Variants in GFRA2 observed in about 807,000 individuals in gnomAD.
GFRA2 encodes the protein GDNF family receptor alpha 2.
A neutral mutation model predicts 48.3 loss-of-function variants in GFRA2; 17 were observed. That is an observed-to-expected ratio of 0.35 (90% CI 0.24 to 0.53). The LOEUF (loss-of-function observed/expected upper bound fraction) is 0.53. GFRA2 is among the 20% of genes least tolerant of loss of function. GFRA2 has a pLI of 0.93. For synonymous variants in GFRA2, 305 were observed against 257.2 expected, an observed-to-expected ratio of 1.19 and a Z score of -1.78; for missense variants, 660 against 637.3, an observed-to-expected ratio of 1.04 and a Z score of -0.38.
At chr8:21,744,550 AACACACACACAC>A (rs71721911) in intron 4 of GFRA2, among the ~76,000 whole-genome samples, 3 of 140,226 alleles carry the variant, frequency 2.1e-5, no homozygotes, top group Middle Eastern at 3.5e-3. Context: ...AACCACCACC[AACACACACACAC>A]ACACACACAC....
intron 4 of GFRA2, among the ~76,000 whole-genome samples, chr8:21,716,055 G>T (rs1413339991): frequency 6.6e-6 from 1 of 152,194 alleles, no homozygotes; most frequent in Non-Finnish European, 1.5e-5. Context: ...AGGCGCGGTG[G>T]CTCACGCCTG....
At chr8:21,741,593 G>T (rs551965863) in intron 4 of GFRA2, among the ~76,000 whole-genome samples, 1 of 152,128 alleles carries the variant, frequency 6.6e-6, no homozygotes, top group Non-Finnish European at 1.5e-5. Flanking sequence ...CTAGCATGGT[G>T]CCTGGCACAG....
chr8:21,811,197 C>T (rs879938938), intron 1 of GFRA2, among the ~76,000 whole-genome samples: 3 of 152,188 alleles, frequency 2.0e-5, no homozygotes, highest in Admixed American at 6.5e-5. Context: ...CCAGCAGCAT[C>T]CCTCTGTACT....
At chr8:21,696,941 A>C (rs1302363014) in intron 7 of GFRA2, among the ~76,000 whole-genome samples, 19 of 114,216 alleles carry the variant, frequency 1.7e-4, no homozygotes, top group Middle Eastern at 4.9e-3. Context: ...GGGACAGAGG[A>C]AGGGGGAGGG....
intron 4 of GFRA2, among the ~76,000 whole-genome samples, chr8:21,718,991 T>C (rs1342108413): frequency 6.7e-6 from 1 of 148,648 alleles, no homozygotes; most frequent in Non-Finnish European, 1.5e-5. Context: ...TCCAAGGGAG[T>C]CACTGTGGTG....
At chr8:21,760,859 T>C (rs1352565305) in intron 3 of GFRA2, among the ~76,000 whole-genome samples, 1 of 151,848 alleles carries the variant, frequency 6.6e-6, no homozygotes, top group African/African-American at 2.4e-5. Context: ...GGTGGAAAAA[T>C]CAAGAGATGC....
rs752995023 is a variant in GFRA2, at chr8:21,786,875, A to G, written c.40+1245T>C. On this transcript the variant is annotated intron_variant, in intron 1 of 8. Transcript: ENST00000524240. Reference sequence around the variant, plus strand: ...GCCTTCCCAGATCCCCTACTGCAGGAGGGAGAGGGTGAGATCATGACCCCG... The same window carrying G: ...GCCTTCCCAGATCCCCTACTGCAGGGGGGAGAGGGTGAGATCATGACCCCG... Among the ~76,000 whole-genome samples the G allele has an allele frequency of 3.3e-3, 499 of 152,244 alleles. 1 individual carries two copies. Among genetic ancestry groups the G allele is most frequent in the Non-Finnish European group, 4.0e-3 (271 of 67,992 alleles).
chr8:21,696,900 GTGAGAGGAGAGGGGACATAGTAGA>G (rs1802204424), intron 7 of GFRA2, among the ~76,000 whole-genome samples: 2 of 136,912 alleles, frequency 1.5e-5, no homozygotes, highest in African/African-American at 5.3e-5. Flanking sequence ...AGGGGACAGA[GTGAGAGGAGAGGGGACATAGTAGA>G]GGGAAGGGGA....
At chr8:21,735,686 G>C (rs1004291503) in intron 4 of GFRA2, among the ~76,000 whole-genome samples, 1 of 152,226 alleles carries the variant, frequency 6.6e-6, no homozygotes, top group Non-Finnish European at 1.5e-5. Flanking sequence ...TCTTGAGACA[G>C]GGTCTGTACT....
At chr8:21,710,044 CCAGAGGGACTCCT>C (rs914513853) in intron 4 of GFRA2, among the ~76,000 whole-genome samples, 12 of 152,146 alleles carry the variant, frequency 7.9e-5, no homozygotes, top group Non-Finnish European at 1.8e-4. Context: ...GTGGGGCTGG[CCAGAGGGACTCCT>C]CAGGGAAGAG....
intron 3 of GFRA2, among the ~76,000 whole-genome samples, chr8:21,764,567 G>A (rs1806064632): frequency 6.6e-6 from 1 of 152,186 alleles, no homozygotes; most frequent in Non-Finnish European, 1.5e-5. Flanking sequence ...GTCTCACCTG[G>A]ACATCCAGCT....
intron 4 of GFRA2, among the ~76,000 whole-genome samples, chr8:21,715,129 C>G (rs1340982756): frequency 2.0e-5 from 3 of 152,192 alleles, no homozygotes; most frequent in African/African-American, 7.2e-5. Flanking sequence ...TCCATCCTTT[C>G]CAGTGTCTTC....
At chr8:21,744,379 G>T (rs1490887333) in intron 4 of GFRA2, among the ~76,000 whole-genome samples, 3 of 152,150 alleles carry the variant, frequency 2.0e-5, no homozygotes, top group Non-Finnish European at 4.4e-5. Context: ...AGCACCCAGA[G>T]GTTAAATTAC....
chr8:21,750,955 C>T lies in GFRA2; in HGVS notation c.440-13G>A, dbSNP rs376652470. The stretch of plus-strand genomic sequence containing the variant: ...TCTGCCCCTGTCCCTGGAGGAGGAA[C>T]AAGAGAGCAGGTCAGAGGCCACACA... On this transcript the variant is annotated splice_polypyrimidine_tract_variant and intron_variant, in intron 3 of 8. Transcript: ENST00000524240. This position sits in a 1 kb window ranked among gnomAD's most constrained non-coding sequence, Gnocchi z 5.7. 4 of 1,586,132 alleles carry T rather than the reference C, an allele frequency of 2.5e-6. No homozygotes were observed. The highest frequency in any genetic ancestry group is 4.5e-5 in the East Asian group (2 of 44,564).
At chr8:21,719,419 T>C (rs955404711) in intron 4 of GFRA2, among the ~76,000 whole-genome samples, 1 of 151,864 alleles carries the variant, frequency 6.6e-6, no homozygotes, top group African/African-American at 2.4e-5. Flanking sequence ...CCTCCACCTA[T>C]GTTCCAAACC....
Position 21,744,085 on chromosome 8 carries a change from C to A in GFRA2, c.794+6503G>T, listed in dbSNP as rs528147832. Among the ~76,000 whole-genome samples the A allele has an allele frequency of 3.3e-5, 5 of 152,292 alleles. No individual in the cohort carries two copies. In the South Asian group the frequency reaches 1.0e-3, roughly 32 times the overall value. On this transcript the variant is annotated intron_variant, in intron 4 of 8. Coordinates refer to ENST00000524240, the MANE Select transcript of GFRA2 (RefSeq NM_001495.5). ...CTGCTAAAAACATCAGCCAACAGAT[C>A]CTATGGAAAGCCATTAAGCTGAGGG...
chr8:21,730,566 A>C (rs1253331023), intron 4 of GFRA2, among the ~76,000 whole-genome samples: 1 of 152,136 alleles, frequency 6.6e-6, no homozygotes, highest in Admixed American at 6.6e-5. Flanking sequence ...ACCCTCTCCT[A>C]ATTTTCCCAG....
rs577428991 is a variant in GFRA2, at chr8:21,697,461, CA to C, written c.1219-2945del. Among the ~76,000 whole-genome samples, 185 of 152,078 alleles carry C rather than the reference CA, an allele frequency of 1.2e-3. 3 individuals are homozygous for C. Among genetic ancestry groups the C allele is most frequent in the Middle Eastern group, 0.01 (3 of 292 alleles). Reference sequence around the variant, plus strand: ...ATCTGCCCCAAGGTGTGGTCTCTGCCAGGGGCAACAGGGCCCTTGGGTGGGA... The same window carrying C: ...ATCTGCCCCAAGGTGTGGTCTCTGCCGGGGCAACAGGGCCCTTGGGTGGGA... On this transcript the variant is annotated intron_variant, in intron 7 of 8. Transcript: ENST00000524240.
intron 3 of GFRA2, among the ~76,000 whole-genome samples, chr8:21,763,048 T>C (rs758875396): frequency 2.6e-5 from 4 of 152,210 alleles, no homozygotes; most frequent in Admixed American, 6.5e-5. Context: ...TTATGAAATA[T>C]ACTTTTCTCA....
Sources: allele counts gnomAD v4.1 joint callset (sites outside exome capture counted in the v4.1 genomes callset), GRCh38; gene constraint gnomAD v4.1.1; non-coding constraint Gnocchi (gnomAD v3.1); transcripts MANE v1.5; gene names NCBI Gene and HGNC (gene_info 2026-07-23, HGNC 2026-07-21).